VPS13D: variants seen among roughly 807,000 people sequenced by gnomAD.
VPS13D encodes the protein intermembrane lipid transfer protein VPS13D.
In VPS13D, 187 loss-of-function variants were observed where a neutral mutation model predicts 461.9. The observed-to-expected ratio is 0.40, with a 90% confidence interval of 0.36 to 0.46. The LOEUF is 0.46. Among genes scored for constraint, VPS13D ranks in the 20% least tolerant of loss-of-function variants. The probability of loss-of-function intolerance (pLI) is 0.60; values close to 1 mark genes in which losing one functional copy is unlikely to be tolerated. For synonymous variants in VPS13D, 1,951 were observed against 1,986.3 expected (o/e 0.98, Z 0.47); for missense variants, 4,711 against 5,364.9 (o/e 0.88, Z 3.81).
chr1:12,446,255 A>G (rs1645190659), intron 65 of VPS13D, among the ~76,000 whole-genome samples: 1 of 152,108 alleles, frequency 6.6e-6, no homozygotes, highest in South Asian at 2.1e-4. Context: ...CATCTGTACT[A>G]AAAATACAAA....
In VPS13D at chr1:12,276,473, A is replaced by G; in HGVS notation, c.2885A>G (p.Asn962Ser). ...CTCCTCCTGGCGGAATTTAAAGTGA[A>G]CTGTATGCAGCTTGGTGTTGAGAGC... is the stretch of plus-strand genomic sequence containing the variant. ...SQLLLAEFKV[N>S]CMQLGVESNG... The change falls in exon 19 of 70, where the codon AAC (asparagine) becomes AGC (serine). Residue 962 changes from asparagine to serine, a missense_variant. Transcript: ENST00000620676. This position sits in a 1 kb window ranked among gnomAD's most constrained non-coding sequence, Gnocchi z 4.5. The G allele has an allele frequency of 6.2e-7, 1 of 1,614,120 alleles. No individual in the cohort carries two copies. The highest frequency in any genetic ancestry group is 8.5e-7 in the Non-Finnish European group (1 of 1,180,022).
intron 67 of VPS13D, among the ~76,000 whole-genome samples, chr1:12,479,971 G>A (rs1443454963): frequency 6.6e-6 from 1 of 152,188 alleles, no homozygotes; most frequent in Non-Finnish European, 1.5e-5. Context: ...AAGCTTGGAA[G>A]GGCTCATGTT....
chr1:12,421,533 T>C (rs943726350), intron 65 of VPS13D, among the ~76,000 whole-genome samples: 3 of 152,216 alleles, frequency 2.0e-5, no homozygotes, highest in Admixed American at 6.5e-5. Flanking sequence ...TCCTCTCTTA[T>C]AGACTCTAGC....
At chr1:12,371,880 C>G (rs1370326072) in intron 54 of VPS13D, among the ~76,000 whole-genome samples, 1 of 152,080 alleles carries the variant, frequency 6.6e-6, no homozygotes, top group African/African-American at 2.4e-5. Flanking sequence ...AATTCTTTTG[C>G]TTTATACAGA....
chr1:12,263,165 A>G (rs1184369516), intron 13 of VPS13D, among the ~76,000 whole-genome samples: 1 of 152,170 alleles, frequency 6.6e-6, no homozygotes, highest in Non-Finnish European at 1.5e-5. Flanking sequence ...TGTAACGCAC[A>G]TCACAGTCTT....
chr1:12,394,749 A>G (rs940691885), intron 60 of VPS13D, among the ~76,000 whole-genome samples: 2 of 152,048 alleles, frequency 1.3e-5, no homozygotes, highest in Admixed American at 1.3e-4. Context: ...ACCAAAGGAG[A>G]TCACACATTT....
At position 12,479,707 on chromosome 1, in the gene VPS13D, A is replaced by G. The variant is rs573067135; in HGVS notation, c.12663-17793A>G. Reference sequence around the variant, plus strand: ...TCTGGGCCATCTCTCGGTCCCTCACATCGAAAGACCTCATGATTTCAATCC... The same window carrying G: ...TCTGGGCCATCTCTCGGTCCCTCACGTCGAAAGACCTCATGATTTCAATCC... On this transcript the variant is annotated intron_variant, in intron 67 of 69. Transcript: ENST00000620676. Among the ~76,000 whole-genome samples, 209 of 152,276 alleles carry G rather than the reference A, an allele frequency of 1.4e-3. 2 individuals are homozygous for G. Among genetic ancestry groups the G allele is most frequent in the African/African-American group, 4.9e-3 (205 of 41,552 alleles).
intron 46 of VPS13D, among the ~76,000 whole-genome samples, chr1:12,351,733 A>G (rs112556374): frequency 0.13 from 20,087 of 151,082 alleles, 2,605 homozygotes; most frequent in African/African-American, 0.34. Context: ...CTGGGATTAC[A>G]GGCACCCACC....
chr1:12,244,424 G>A lies in VPS13D; in HGVS notation c.354G>A (p.Glu118=). 3 of 1,614,144 alleles carry A rather than the reference G, an allele frequency of 1.9e-6. No homozygotes were observed. The highest frequency in any genetic ancestry group is 2.5e-6 in the Non-Finnish European group (3 of 1,180,008). Residue 118 remains glutamate (E), a synonymous_variant, in exon 4 of 70, where the codon GAG becomes GAA. Coordinates refer to ENST00000620676, the MANE Select transcript of VPS13D (RefSeq NM_015378.4). ...AGAAAGCACTACTTCAAGCCCTGGA[G>A]GAGAAATGGAAGGCAAGGCAGAGAT... ...ERKKALLQAL[E]EKWKNDRQQK... is the part of the protein sequence containing the mutation.
chr1:12,243,234 C>T lies in VPS13D; in HGVS notation c.175+644C>T, dbSNP rs976666545. Among the ~76,000 whole-genome samples, 16 of 152,078 alleles carry T rather than the reference C, an allele frequency of 1.1e-4. No individual in the cohort carries two copies. The South Asian group carries it at 1.3e-3, about 12-fold the overall frequency. Reference sequence around the variant, plus strand: ...CCTCCCAAAGTGCTGGGATTACGGGCGTGAGCCACCATGCCTGGCCTCCTT... The same window carrying T: ...CCTCCCAAAGTGCTGGGATTACGGGTGTGAGCCACCATGCCTGGCCTCCTT... On this transcript the variant is annotated intron_variant, in intron 3 of 69. Transcript: ENST00000620676.
intron 67 of VPS13D, among the ~76,000 whole-genome samples, chr1:12,465,951 A>C (rs1645476908): frequency 6.6e-6 from 1 of 152,240 alleles, no homozygotes; most frequent in African/African-American, 2.4e-5. Flanking sequence ...TCTGGCCAAC[A>C]TGTCGAAACC....
Position 12,502,641 on chromosome 1 carries a change from G to GA in VPS13D, c.12795-4198dup, listed in dbSNP as rs113179323. 0.14 allele frequency among the ~76,000 whole-genome samples: 18,543 copies of GA among 133,610 alleles called. 2,042 individuals carry two copies. Among genetic ancestry groups the GA allele is most frequent in the African/African-American group, 0.32 (11,706 of 36,986 alleles). The allele number at this position is 133,610 out of a possible 152,430, so 87.7% of individuals were successfully genotyped here. A position where few individuals can be genotyped will look rare whatever the true frequency, so the allele number is the denominator to read the frequency against. On this transcript the variant is annotated intron_variant, in intron 68 of 69. Transcript: ENST00000620676. This position sits in a 1 kb window ranked among gnomAD's most constrained non-coding sequence, Gnocchi z 4.3. ...TCAGGTATATAAATGAGTTAATATC[G>GA]AAAAAAAAAAAAAAGAGCAGGAGGA... is the stretch of plus-strand genomic sequence containing the variant.
At position 12,490,228 on chromosome 1, in the gene VPS13D, TAGTC is replaced by T. The variant is rs1338292526; in HGVS notation, c.12663-7268_12663-7265del. On this transcript the variant is annotated intron_variant, in intron 67 of 69. Transcript: ENST00000620676. ...TTCTGGCTACCCTAGTTTGGATCCT[TAGTC>T]AGTAATTCCATTTAAGAACCAATCT... Among the ~76,000 whole-genome samples, 13 of 152,330 alleles carry T rather than the reference TAGTC, an allele frequency of 8.5e-5. No homozygotes were observed. The South Asian group carries it at 1.5e-3, about 17-fold the overall frequency.
Position 12,256,347 on chromosome 1 carries a change from G to A in VPS13D, c.684G>A (p.Arg228=), listed in dbSNP as rs1414577269. ...PQMELQEAMA[R]SMESRSHHYV... ...GTGACACACAGGAGGCCATGGCCAG[G>A]AGCATGGAGAGTCGCAGCCATCACT... Residue 228 remains arginine, a synonymous_variant, in exon 8 of 70, where the codon AGG becomes AGA. Coordinates refer to ENST00000620676, the MANE Select transcript of VPS13D (RefSeq NM_015378.4). 2 of 1,613,634 alleles carry A rather than the reference G, an allele frequency of 1.2e-6. No individual in the cohort carries two copies. Among genetic ancestry groups the A allele is most frequent in the Non-Finnish European group, 1.7e-6 (2 of 1,179,994 alleles).
At chr1:12,340,105 G>C (rs901029261) in intron 40 of VPS13D, among the ~76,000 whole-genome samples, 5 of 152,100 alleles carry the variant, frequency 3.3e-5, no homozygotes, top group African/African-American at 1.2e-4. Flanking sequence ...CCTGCAGACA[G>C]CTCTTAAATT....
chr1:12,244,843 T>C (rs748746062), intron 5 of VPS13D, among the ~76,000 whole-genome samples: 4 of 152,168 alleles, frequency 2.6e-5, no homozygotes, highest in Admixed American at 6.5e-5. Context: ...TCTGCTGGCA[T>C]GAGGAGGAGT....
chr1:12,435,307 A>G (rs1228861170), intron 65 of VPS13D, among the ~76,000 whole-genome samples: 1 of 151,970 alleles, frequency 6.6e-6, no homozygotes, highest in African/African-American at 2.4e-5. Flanking sequence ...TAAAAAATAC[A>G]AAAATTAGCT....
intron 65 of VPS13D, among the ~76,000 whole-genome samples, chr1:12,434,635 C>T (rs1645035909): frequency 6.6e-6 from 1 of 151,964 alleles, no homozygotes. Flanking sequence ...TATTTATAGG[C>T]CTCAGGTATG....
chr1:12,464,988 G>C (rs1645463205), intron 67 of VPS13D: 1 of 152,260 alleles, frequency 6.6e-6, no homozygotes, highest in African/African-American at 2.4e-5. Flanking sequence ...TGAAGAGCCT[G>C]CTACCCTTCA....
Sources: allele counts gnomAD v4.1 joint callset (sites outside exome capture counted in the v4.1 genomes callset), GRCh38; gene constraint gnomAD v4.1.1; non-coding constraint Gnocchi (gnomAD v3.1); transcripts MANE v1.5; gene names NCBI Gene and HGNC (gene_info 2026-07-23, HGNC 2026-07-21).